LRRC4C: variants seen among roughly 807,000 people sequenced by gnomAD.
LRRC4C encodes the protein leucine rich repeat containing 4C.
LRRC4C carries 5 observed loss-of-function variants against 33.6 expected under a neutral mutation model. The ratio of observed to expected loss-of-function variants is 0.15; its 90% confidence interval spans 0.08 to 0.31. The LOEUF (loss-of-function observed/expected upper bound fraction) is 0.31. LRRC4C is among the 10% of genes least tolerant of loss of function. The pLI, the probability that LRRC4C is intolerant of heterozygous loss-of-function variation, is 1.00. For missense variants in LRRC4C, 560 were observed against 796.7 expected, an observed-to-expected ratio of 0.70 and a Z score of 3.58; for synonymous variants, 329 against 302.0, an observed-to-expected ratio of 1.09 and a Z score of -0.93.
intron 3 of LRRC4C, among the ~76,000 whole-genome samples, chr11:40,579,659 C>G (rs1446510197): frequency 1.3e-5 from 2 of 152,114 alleles, no homozygotes; most frequent in Non-Finnish European, 1.5e-5. Flanking sequence ...TTCAGCCCGT[C>G]TATAACTCTT....
At chr11:40,430,045 G>C (rs976651666) in intron 3 of LRRC4C, among the ~76,000 whole-genome samples, 2 of 152,112 alleles carry the variant, frequency 1.3e-5, no homozygotes, top group African/African-American at 4.8e-5. Context: ...ACCAAACAAA[G>C]CTTGCTACCA....
chr11:41,110,137 G>A (rs564790377), intron 1 of LRRC4C, among the ~76,000 whole-genome samples: 81 of 152,078 alleles, frequency 5.3e-4, no homozygotes, highest in Non-Finnish European at 9.7e-4. Flanking sequence ...GGATAGATTT[G>A]GAATTAGACT....
intron 1 of LRRC4C, among the ~76,000 whole-genome samples, chr11:41,031,620 A>G (rs1390873666): frequency 6.6e-6 from 1 of 152,012 alleles, no homozygotes; most frequent in African/African-American, 2.4e-5. Context: ...AAAATAAACT[A>G]TTCCAGGTCC....
At chr11:41,328,272 C>T (rs1010741000) in intron 1 of LRRC4C, among the ~76,000 whole-genome samples, 4 of 152,214 alleles carry the variant, frequency 2.6e-5, no homozygotes, top group African/African-American at 9.6e-5. Context: ...TCAGTCCCTG[C>T]TGGAGGAGTG....
intron 1 of LRRC4C, among the ~76,000 whole-genome samples, chr11:41,034,457 C>CA (rs1565320795): frequency 1.6e-5 from 2 of 122,906 alleles, no homozygotes; most frequent in African/African-American, 6.4e-5. Context: ...CACACACACA[C>CA]CATATATATA....
chr11:40,820,479 G>T (rs954600491), intron 2 of LRRC4C, among the ~76,000 whole-genome samples: 5 of 151,752 alleles, frequency 3.3e-5, no homozygotes, highest in African/African-American at 1.2e-4. Context: ...ATGAAGAGTA[G>T]GGAGTAAAAC....
chr11:40,545,337 T>C (rs1956870716), intron 3 of LRRC4C, among the ~76,000 whole-genome samples: 1 of 152,008 alleles, frequency 6.6e-6, no homozygotes, highest in Non-Finnish European at 1.5e-5. Context: ...ATTAGAATAA[T>C]AGAGAAAAAA....
At position 41,327,877 on chromosome 11, in the gene LRRC4C, G is replaced by A. The variant is rs145990419; in HGVS notation, c.-496+131554C>T. On this transcript the variant is annotated intron_variant, in intron 1 of 6. Transcript: ENST00000528697. ...TTTCACCTTCCACCATGATTGTGAG[G>A]GCTCCCCAGCCATGATGAAATGTGA... 4.1e-3 allele frequency among the ~76,000 whole-genome samples: 624 copies of A among 152,202 alleles called. 7 individuals are homozygous for A. Among genetic ancestry groups the A allele is most frequent in the African/African-American group, 0.014 (589 of 41,528 alleles).
chr11:41,442,028 T>A (rs192138112), intron 1 of LRRC4C, among the ~76,000 whole-genome samples: 1 of 152,346 alleles, frequency 6.6e-6, no homozygotes, highest in African/African-American at 2.4e-5. Context: ...ATTTTCTTTA[T>A]ATAGTTGTCA....
Position 40,222,748 on chromosome 11 carries a change from A to C in LRRC4C, c.-96+18771T>G, listed in dbSNP as rs1386270931. Among the ~76,000 whole-genome samples, 3 of 152,244 alleles carry C rather than the reference A, an allele frequency of 2.0e-5. No homozygotes were observed. The East Asian group carries it at 5.8e-4, about 29-fold the overall frequency. ...ACAAAATGAGTGCTCAAAGTGGATT[A>C]GGATGACTCCACAGGGAAGATTCCA... On this transcript the variant is annotated intron_variant, in intron 5 of 6. Transcript: ENST00000528697.
intron 2 of LRRC4C, among the ~76,000 whole-genome samples, chr11:40,658,995 T>A (rs2861930): frequency 0.17 from 25,811 of 152,122 alleles, 2,567 homozygotes; most frequent in Admixed American, 0.26. Flanking sequence ...AGTTGGCAGG[T>A]TGGGAGCCCC....
chr11:40,787,888 G>C (rs1950479581), intron 2 of LRRC4C, among the ~76,000 whole-genome samples: 3 of 152,084 alleles, frequency 2.0e-5, no homozygotes, highest in African/African-American at 7.2e-5. Flanking sequence ...CAGGGAAAAT[G>C]AAAGCCACCC....
At chr11:40,534,796 T>C (rs180773122) in intron 3 of LRRC4C, among the ~76,000 whole-genome samples, 13 of 152,284 alleles carry the variant, frequency 8.5e-5, no homozygotes, top group Non-Finnish European at 1.8e-4. Flanking sequence ...CCATTACTAT[T>C]TGAAATTTAA....
At position 41,032,146 on chromosome 11, in the gene LRRC4C, T is replaced by C. The variant is rs575590032; in HGVS notation, c.-495-98423A>G. On this transcript the variant is annotated intron_variant, in intron 1 of 6. Transcript: ENST00000528697. ...GGAAAGCTGCAGTTTGATGGACTTGTGAGAACCCAGGAGTTCATTCCAGAC... is the reference window on the plus strand; with the variant it reads ...GGAAAGCTGCAGTTTGATGGACTTGCGAGAACCCAGGAGTTCATTCCAGAC... Among the ~76,000 whole-genome samples the C allele has an allele frequency of 9.9e-5, 15 of 152,110 alleles. No individual in the cohort carries two copies. In the East Asian group the frequency reaches 2.3e-3, roughly 24 times the overall value.
chr11:41,048,060 T>A (rs938973685), intron 1 of LRRC4C, among the ~76,000 whole-genome samples: 1 of 152,176 alleles, frequency 6.6e-6, no homozygotes, highest in Non-Finnish European at 1.5e-5. Context: ...CTTTTCTACT[T>A]CATGCTAAAA....
At chr11:41,057,322 T>C (rs1442025964) in intron 1 of LRRC4C, among the ~76,000 whole-genome samples, 1 of 152,124 alleles carries the variant, frequency 6.6e-6, no homozygotes, top group Non-Finnish European at 1.5e-5. Flanking sequence ...CCTCCAAACT[T>C]TGGGCACTGA....
At chr11:40,742,934 T>C (rs1184592026) in intron 2 of LRRC4C, among the ~76,000 whole-genome samples, 1 of 151,996 alleles carries the variant, frequency 6.6e-6, no homozygotes, top group East Asian at 1.9e-4. Context: ...GACATACATA[T>C]CATACCAGCA....
At chr11:41,380,963 T>C (rs960185116) in intron 1 of LRRC4C, among the ~76,000 whole-genome samples, 1 of 152,098 alleles carries the variant, frequency 6.6e-6, no homozygotes, top group African/African-American at 2.4e-5. Flanking sequence ...AGAAGAAAAA[T>C]GTCTTTCCTA....
intron 1 of LRRC4C, among the ~76,000 whole-genome samples, chr11:41,195,018 A>T (rs931784538): frequency 4.1e-5 from 6 of 145,758 alleles, no homozygotes; most frequent in African/African-American, 1.5e-4. Flanking sequence ...TCACTAAGAT[A>T]AAAAAAAAAA....
Sources: gnomAD v4.1 joint callset for allele counts (sites outside exome capture counted in the v4.1 genomes callset) on GRCh38, gnomAD v4.1.1 for gene constraint, MANE v1.5 for transcripts, NCBI Gene and HGNC (gene_info 2026-07-23, HGNC 2026-07-21) for gene names.